CHRNA7: variants seen among roughly 807,000 people sequenced by gnomAD.
CHRNA7 encodes neuronal acetylcholine receptor subunit alpha-7.
Under a neutral mutation model 48.0 loss-of-function variants are expected in CHRNA7, and 17 were observed. The observed-to-expected ratio is 0.35, with a 90% CI of 0.24 to 0.53. The LOEUF is 0.53. Among genes scored for constraint, CHRNA7 ranks in the 20% least tolerant of loss-of-function variants. CHRNA7 has a pLI of 0.92. For synonymous variants in CHRNA7, 75 were observed against 242.3 expected, an observed-to-expected ratio of 0.31 and a Z score of 6.41; for missense variants, 155 against 577.7, an observed-to-expected ratio of 0.27 and a Z score of 7.50.
chr15:32,165,893 G>GT, intron 9 of CHRNA7: 1 of 151,790 alleles, frequency 6.6e-6, no homozygotes, highest in East Asian at 1.9e-4. Context: ...AGAGTGTATC[G>GT]TATGAGCTTG....
At chr15:32,096,222 T>G (rs1214529813) in intron 2 of CHRNA7, among the ~76,000 whole-genome samples, 1 of 152,244 alleles carries the variant, frequency 6.6e-6, no homozygotes, top group African/African-American at 2.4e-5. Flanking sequence ...AAACTCTGTT[T>G]AAGGGTTAGC....
At chr15:32,101,407 T>C in intron 3 of CHRNA7, 60 bp downstream of exon 3, 2 of 1,520,368 alleles carry the variant, frequency 1.3e-6, no homozygotes, top group Non-Finnish European at 1.8e-6. Context: ...CCAAGATTCT[T>C]GTTCTGATAC....
At chr15:32,052,670 A>G (rs1177683914) in intron 2 of CHRNA7, among the ~76,000 whole-genome samples, 1 of 152,220 alleles carries the variant, frequency 6.6e-6, no homozygotes, top group Non-Finnish European at 1.5e-5. Flanking sequence ...CAGAGGTTGC[A>G]GTGAGCCGAG....
chr15:32,105,492 G>A (rs12916197), intron 3 of CHRNA7, among the ~76,000 whole-genome samples: 1 of 150,818 alleles, frequency 6.6e-6, no homozygotes, highest in African/African-American at 2.4e-5. Context: ...AAAGGAGGAG[G>A]AGAGGAGGAA....
chr15:32,093,684 A>C (rs1394352504), intron 2 of CHRNA7, among the ~76,000 whole-genome samples: 2 of 152,150 alleles, frequency 1.3e-5, no homozygotes, highest in Admixed American at 1.3e-4. Context: ...TTCTCCCTAA[A>C]GGAGCCAGGC....
chr15:32,091,959 C>T (rs1025650195), intron 2 of CHRNA7, among the ~76,000 whole-genome samples: 1 of 5,518 alleles, frequency 1.8e-4, no homozygotes, highest in African/African-American at 1.9e-4. Context: ...TATAGAGTCT[C>T]CTGTTTTCTA....
intron 2 of CHRNA7, among the ~76,000 whole-genome samples, chr15:32,079,074 A>G (rs1437444083): frequency 6.6e-6 from 1 of 152,258 alleles, no homozygotes; most frequent in Non-Finnish European, 1.5e-5. Flanking sequence ...CGATAAATGC[A>G]GAAAAGGACT....
At chr15:32,138,014 A>G (rs2051303111) in intron 4 of CHRNA7, among the ~76,000 whole-genome samples, 1 of 152,246 alleles carries the variant, frequency 6.6e-6, no homozygotes, top group African/African-American at 2.4e-5. Flanking sequence ...GTGTGAGATA[A>G]TTACCAAACT....
chr15:32,036,780 T>C (rs1290320468), intron 2 of CHRNA7, among the ~76,000 whole-genome samples: 1 of 151,874 alleles, frequency 6.6e-6, no homozygotes, highest in Non-Finnish European at 1.5e-5. Context: ...GTGGGTTTTT[T>C]TTTTTTTTTC....
At chr15:32,083,969 A>G (rs2050255720) in intron 2 of CHRNA7, among the ~76,000 whole-genome samples, 1 of 152,198 alleles carries the variant, frequency 6.6e-6, no homozygotes, top group Admixed American at 6.5e-5. Context: ...ATTCATCAGT[A>G]TAAGCCCTAG....
intron 2 of CHRNA7, among the ~76,000 whole-genome samples, chr15:32,061,858 AATAAG>A (rs2141205450): frequency 6.6e-6 from 1 of 152,180 alleles, no homozygotes; most frequent in East Asian, 1.9e-4. Flanking sequence ...AAACAAAACA[AATAAG>A]ATGAGACCCT....
intron 2 of CHRNA7, among the ~76,000 whole-genome samples, chr15:32,093,442 A>G (rs1165645547): frequency 1.3e-5 from 2 of 152,138 alleles, no homozygotes; most frequent in African/African-American, 4.8e-5. Flanking sequence ...ATGGGAGTCC[A>G]CCCAGCGAGA....
At chr15:32,071,678 C>T (rs1430422341) in intron 2 of CHRNA7, among the ~76,000 whole-genome samples, 3 of 152,112 alleles carry the variant, frequency 2.0e-5, no homozygotes, top group African/African-American at 7.2e-5. Flanking sequence ...GCACCTCCTC[C>T]TCTCTCTCTT....
intron 2 of CHRNA7, among the ~76,000 whole-genome samples, chr15:32,047,172 A>C: frequency 7.4e-6 from 1 of 135,228 alleles, no homozygotes; most frequent in Non-Finnish European, 1.6e-5. Flanking sequence ...TTGGTTCCAT[A>C]TGAACTTTAA....
At chr15:32,083,603 A>T (rs991326861) in intron 2 of CHRNA7, among the ~76,000 whole-genome samples, 2 of 152,220 alleles carry the variant, frequency 1.3e-5, no homozygotes, top group Admixed American at 6.5e-5. Context: ...TGTGGGACAG[A>T]AATTCAACTG....
At chr15:32,117,242 A>G (rs1448410821) in intron 4 of CHRNA7, among the ~76,000 whole-genome samples, 1 of 152,216 alleles carries the variant, frequency 6.6e-6, no homozygotes, top group East Asian at 1.9e-4. Flanking sequence ...GACTGTGTAT[A>G]GCACATCTCA....
chr15:32,055,157 AT>A (rs916159640), intron 2 of CHRNA7, among the ~76,000 whole-genome samples: 1 of 150,934 alleles, frequency 6.6e-6, no homozygotes, highest in Non-Finnish European at 1.5e-5. Context: ...GGAGATTTTC[AT>A]TTTTTTATTT....
At chr15:32,127,049 C>T (rs2051078792) in intron 4 of CHRNA7, among the ~76,000 whole-genome samples, 2 of 152,166 alleles carry the variant, frequency 1.3e-5, no homozygotes, top group African/African-American at 4.8e-5. Flanking sequence ...ACCCTTATAG[C>T]CACATCCCGC....
chr15:32,082,748 T>C (rs1264002166), intron 2 of CHRNA7, among the ~76,000 whole-genome samples: 3 of 152,214 alleles, frequency 2.0e-5, no homozygotes, highest in African/African-American at 7.2e-5. Context: ...TTGATAATAT[T>C]GCAAGCCCTA....
Sources: allele counts gnomAD v4.1 joint callset (sites outside exome capture counted in the v4.1 genomes callset), GRCh38; gene constraint gnomAD v4.1.1; transcripts MANE v1.5; gene names NCBI Gene and HGNC (gene_info 2026-07-23, HGNC 2026-07-21).